ZFP62: variants seen among roughly 807,000 people sequenced by gnomAD.
The protein encoded by ZFP62 is ZFP62 zinc finger protein.
In ZFP62, 44 loss-of-function variants were observed where a neutral mutation model predicts 56.4. The ratio of observed to expected loss-of-function variants is 0.78; its 90% CI spans 0.61 to 1.00. The LOEUF is 1.00. Ranked by LOEUF, ZFP62 falls within the 50% of genes least tolerant of loss-of-function variation. The pLI, the probability that ZFP62 is intolerant of heterozygous loss-of-function variation, is 0.00. For synonymous variants in ZFP62, 421 were observed against 388.9 expected, an observed-to-expected ratio of 1.08 and a Z score of -0.97; for missense variants, 1,030 against 1,085.7, an observed-to-expected ratio of 0.95 and a Z score of 0.72.
At chr5:180,840,025 T>C in the ZFP62 span, among the ~76,000 whole-genome samples, 42 of 149,054 alleles carry the variant, frequency 2.8e-4, no homozygotes, top group African/African-American at 1.1e-3. Context: ...AACATACTAG[T>C]TGTGGGACTG....
chr5:180,851,279 G>A lies in ZFP62; in HGVS notation c.216C>T (p.Ile72=). 2 of 1,551,662 alleles carry A rather than the reference G, an allele frequency of 1.3e-6. No homozygotes were observed. Among genetic ancestry groups the A allele is most frequent in the East Asian group, 2.4e-5 (1 of 40,918 alleles). Residue 72 remains isoleucine, a synonymous_variant, in exon 2 of 2, where the codon ATC becomes ATT. Coordinates refer to ENST00000502412, the MANE Select transcript of ZFP62 (RefSeq NM_001172638.2). The part of the protein sequence containing the change: ...KEDKSSIREA[I]SKAKSTANIK... The stretch of plus-strand genomic sequence containing the variant: ...TATTTGCTGTACTCTTGGCTTTGCT[G>A]ATTGCTTCCCTGATGCTGCTTTTGT...
Sources: allele counts gnomAD v4.1 joint callset (sites outside exome capture counted in the v4.1 genomes callset), GRCh38; gene constraint gnomAD v4.1.1; transcripts MANE v1.5; gene names NCBI Gene and HGNC (gene_info 2026-07-23, HGNC 2026-07-21).